CLSTN2: variants seen among roughly 807,000 people sequenced by gnomAD.
The protein encoded by CLSTN2 is calsyntenin 2, also known as calsyntenin-2.
In CLSTN2, 48 loss-of-function variants were observed where a neutral mutation model predicts 101.2. The observed-to-expected ratio is 0.47, with a 90% CI of 0.38 to 0.60. The LOEUF is 0.60. Among genes scored for constraint, CLSTN2 ranks in the 20% least tolerant of loss-of-function variants. The pLI, the probability that CLSTN2 is intolerant of heterozygous loss-of-function variation, is 0.00. For synonymous variants in CLSTN2, 481 were observed against 463.6 expected, an observed-to-expected ratio of 1.04 and a Z score of -0.48; for missense variants, 1,160 against 1,238.2, an observed-to-expected ratio of 0.94 and a Z score of 0.95.
At chr3:140,209,423 A>C (rs1254666311) in intron 2 of CLSTN2, among the ~76,000 whole-genome samples, 1 of 152,140 alleles carries the variant, frequency 6.6e-6, no homozygotes, top group East Asian at 1.9e-4. Flanking sequence ...TTTTTTAAAA[A>C]ATTTCCATTT....
chr3:140,447,738 C>A (rs1388725346), intron 5 of CLSTN2, among the ~76,000 whole-genome samples: 3 of 152,100 alleles, frequency 2.0e-5, no homozygotes, highest in Non-Finnish European at 2.9e-5. Context: ...CTAAAAATGA[C>A]CACGTGAGGC....
intron 9 of CLSTN2, among the ~76,000 whole-genome samples, chr3:140,538,641 C>T (rs962581932): frequency 6.6e-6 from 1 of 152,246 alleles, no homozygotes; most frequent in Middle Eastern, 3.4e-3. Flanking sequence ...GAGTGCATGC[C>T]TTCATTTAAT....
At chr3:140,467,157 G>A (rs1265898679) in intron 8 of CLSTN2, among the ~76,000 whole-genome samples, 3 of 152,216 alleles carry the variant, frequency 2.0e-5, no homozygotes, top group South Asian at 4.1e-4. Context: ...GGGCTTTGAA[G>A]TAAGCAGTGA....
At chr3:140,219,361 C>T (rs941607179) in intron 2 of CLSTN2, among the ~76,000 whole-genome samples, 28 of 151,990 alleles carry the variant, frequency 1.8e-4, no homozygotes, top group African/African-American at 5.1e-4. Flanking sequence ...ACATTAGTTG[C>T]GCGTGAGTGA....
intron 1 of CLSTN2, among the ~76,000 whole-genome samples, chr3:139,972,969 G>A (rs986648023): frequency 1.3e-5 from 2 of 152,158 alleles, no homozygotes; most frequent in African/African-American, 4.8e-5. Context: ...TGCTCCTTTA[G>A]TCTACCTTAA....
At chr3:140,535,780 A>C (rs1935347400) in intron 9 of CLSTN2, among the ~76,000 whole-genome samples, 1 of 152,222 alleles carries the variant, frequency 6.6e-6, no homozygotes, top group African/African-American at 2.4e-5. Context: ...GGTTTACCCA[A>C]AGTTGCTCAA....
intron 8 of CLSTN2, among the ~76,000 whole-genome samples, chr3:140,511,506 A>G (rs1934812816): frequency 8.0e-6 from 1 of 125,742 alleles, no homozygotes; most frequent in Non-Finnish European, 1.6e-5. Flanking sequence ...GCATTCTCTT[A>G]CTCTGCAACT....
At chr3:140,277,372 A>C (rs767259360) in intron 2 of CLSTN2, among the ~76,000 whole-genome samples, 42 of 152,128 alleles carry the variant, frequency 2.8e-4, no homozygotes, top group Non-Finnish European at 4.9e-4. Context: ...CTTGCTTTTC[A>C]CATGCTGCCT....
intron 11 of CLSTN2, among the ~76,000 whole-genome samples, chr3:140,558,172 T>C (rs1935838137): frequency 6.6e-6 from 1 of 152,190 alleles, no homozygotes; most frequent in Non-Finnish European, 1.5e-5. Flanking sequence ...AGCACTTTGC[T>C]CTCACACCTA....
At chr3:140,411,856 A>C (rs1230074286) in intron 4 of CLSTN2, among the ~76,000 whole-genome samples, 1 of 152,210 alleles carries the variant, frequency 6.6e-6, no homozygotes, top group Non-Finnish European at 1.5e-5. Context: ...TGAAAGTTTA[A>C]AAGGTTTTAG....
intron 5 of CLSTN2, among the ~76,000 whole-genome samples, chr3:140,429,288 G>A (rs752763262): frequency 7.2e-5 from 11 of 152,102 alleles, no homozygotes; most frequent in Non-Finnish European, 1.5e-4. Flanking sequence ...CCAGAACTCC[G>A]ATTATAGAAG....
At chr3:140,384,317 G>C (rs929732868) in intron 2 of CLSTN2, among the ~76,000 whole-genome samples, 23 of 152,156 alleles carry the variant, frequency 1.5e-4, no homozygotes, top group African/African-American at 5.3e-4. Flanking sequence ...TCCAGAATTA[G>C]AAAATGAAAA....
chr3:140,375,556 T>C (rs2087908086), intron 2 of CLSTN2, among the ~76,000 whole-genome samples: 1 of 152,254 alleles, frequency 6.6e-6, no homozygotes, highest in African/African-American at 2.4e-5. Flanking sequence ...TATATTCTTT[T>C]AGTATCCGCT....
At chr3:139,980,308 G>T (rs1386355955) in intron 1 of CLSTN2, among the ~76,000 whole-genome samples, 1 of 152,014 alleles carries the variant, frequency 6.6e-6, no homozygotes, top group African/African-American at 2.4e-5. Flanking sequence ...ACCACTTCAA[G>T]CTTACTCCTG....
intron 1 of CLSTN2, among the ~76,000 whole-genome samples, chr3:139,982,838 T>C (rs1005353330): frequency 1.3e-5 from 2 of 152,122 alleles, no homozygotes; most frequent in African/African-American, 4.8e-5. Flanking sequence ...ATGTTGATAG[T>C]GGACCAATTC....
intron 1 of CLSTN2, among the ~76,000 whole-genome samples, chr3:140,052,610 C>G (rs535143303): frequency 1.1e-4 from 17 of 152,296 alleles, no homozygotes; most frequent in African/African-American, 3.8e-4. Context: ...TATTTGTAAC[C>G]AGCTGTGTCT....
chr3:140,241,337 T>C (rs1164259587), intron 2 of CLSTN2, among the ~76,000 whole-genome samples: 1 of 152,114 alleles, frequency 6.6e-6, no homozygotes, highest in Non-Finnish European at 1.5e-5. Flanking sequence ...AGTAAGAAAG[T>C]GTTGTGTGAG....
chr3:140,297,576 C>T (rs1304834853), intron 2 of CLSTN2, among the ~76,000 whole-genome samples: 1 of 152,066 alleles, frequency 6.6e-6, no homozygotes, highest in Non-Finnish European at 1.5e-5. Flanking sequence ...ATAGAGTAAC[C>T]AGTCTCCTGA....
chr3:140,058,509 G>T (rs889656080), intron 1 of CLSTN2, among the ~76,000 whole-genome samples: 1 of 152,200 alleles, frequency 6.6e-6, no homozygotes, highest in East Asian at 1.9e-4. Context: ...CATGGTGAAA[G>T]CTTGAGCTGG....
Sources: allele counts gnomAD v4.1 joint callset (sites outside exome capture counted in the v4.1 genomes callset), GRCh38; gene constraint gnomAD v4.1.1; transcripts MANE v1.5; gene names NCBI Gene and HGNC (gene_info 2026-07-23, HGNC 2026-07-21).